Variants in CHRNA6 observed in about 807,000 individuals in gnomAD.
CHRNA6 encodes the protein cholinergic receptor nicotinic alpha 6 subunit, also known as neuronal acetylcholine receptor subunit alpha-6.
Under a neutral mutation model 40.9 loss-of-function variants are expected in CHRNA6, and 31 were observed. That is an observed-to-expected ratio of 0.76 (90% confidence interval 0.57 to 1.02). CHRNA6 has a LOEUF of 1.02. CHRNA6 is among the 50% of genes least tolerant of loss of function. CHRNA6 has a pLI of 0.00. For synonymous variants in CHRNA6, 222 were observed against 221.3 expected, an observed-to-expected ratio of 1.00 and a Z score of -0.03; for missense variants, 546 against 596.6, an observed-to-expected ratio of 0.92 and a Z score of 0.88.
chr8:42,756,313 T>C lies in CHRNA6; in HGVS notation c.886A>G (p.Thr296Ala), dbSNP rs200072442. The C allele has an allele frequency of 1.9e-6, 3 of 1,613,766 alleles. No individual in the cohort carries two copies. In the African/African-American group the frequency reaches 4.0e-5, roughly 22 times the overall value. Residue 296 changes from threonine (T) to alanine (A), a missense_variant, in exon 5 of 6, where the codon ACA (threonine) becomes GCA (alanine). This residue lies in a region of CHRNA6 where 476 missense variants were observed against 494.5 expected (regional missense o/e 0.96). Transcript: ENST00000276410. Reference protein sequence around the residue: ...LLVITETIPSTSLVVPLVGEY... With the variant: ...LLVITETIPSASLVVPLVGEY... ...CCCACCAGTGGGACCACCAGAGATG[T>C]GGATGGGATGGTTTCTGTGATGACC...
chr8:42,754,339 T>A (rs1280527295), intron 5 of CHRNA6, among the ~76,000 whole-genome samples: 1 of 152,110 alleles, frequency 6.6e-6, no homozygotes, highest in African/African-American at 2.4e-5. Context: ...CAAATTTTTT[T>A]AAATTTGTTT....
intron 2 of CHRNA6, among the ~76,000 whole-genome samples, chr8:42,761,459 G>C (rs1301855327): frequency 3.9e-5 from 6 of 152,254 alleles, no homozygotes. Flanking sequence ...GAGGGCATAA[G>C]CCCTAACTGC....
Position 42,756,153 on chromosome 8 carries a change from A to G in CHRNA6, c.1046T>C (p.Leu349Pro), listed in dbSNP as rs372377533. The G allele has an allele frequency of 6.2e-7, 1 of 1,614,274 alleles. No homozygotes were observed. Among genetic ancestry groups the G allele is most frequent in the Non-Finnish European group, 8.5e-7 (1 of 1,180,054 alleles). Reference protein sequence around the residue: ...RWVKTVFLKLLPQVLLMRWPL... With the variant: ...RWVKTVFLKLPPQVLLMRWPL... ...CCACCTCATCAGCAGGACCTGGGGCAGCAGCTTCAGGAAAACTGTCTTCAC... is the reference window on the plus strand; with the variant it reads ...CCACCTCATCAGCAGGACCTGGGGCGGCAGCTTCAGGAAAACTGTCTTCAC... Residue 349 changes from leucine to proline, a missense_variant, in exon 5 of 6, where the codon CTG becomes CCG. This residue lies in a region of CHRNA6 where 476 missense variants were observed against 494.5 expected (regional missense o/e 0.96). Coordinates refer to ENST00000276410, the MANE Select transcript of CHRNA6 (RefSeq NM_004198.3).
chr8:42,759,742 T>A (rs1337900958), intron 2 of CHRNA6, among the ~76,000 whole-genome samples: 2 of 151,644 alleles, frequency 1.3e-5, no homozygotes, highest in African/African-American at 4.8e-5. Flanking sequence ...TACTAAAAAA[T>A]ACAAAAAAAT....
intron 1 of CHRNA6, 146 bp downstream of exon 1, chr8:42,768,206 T>C (rs191471904): frequency 5.3e-6 from 3 of 561,506 alleles, no homozygotes; most frequent in Admixed American, 3.2e-5. Flanking sequence ...AAAAACCAAA[T>C]AGATTAATTA....
intron 2 of CHRNA6, chr8:42,759,507 T>G (rs934251915): frequency 1.7e-5 from 3 of 177,354 alleles, no homozygotes; most frequent in Non-Finnish European, 3.7e-5. Context: ...ACAGTGTTTT[T>G]GCCTGTTCCC....
rs913056438 is a variant in CHRNA6 at position 42,753,089 on chromosome 8, G to A, written c.*90C>T. ...CAGTTTTAGCAGATGGGGGACTTGG[G>A]TGGGAAGCCTTTGCTTTCCTTTCCT... is the stretch of plus-strand genomic sequence containing the variant. On this transcript the variant is annotated 3_prime_UTR_variant, in exon 6 of 6. Transcript: ENST00000276410. The A allele has an allele frequency of 3.2e-6, 4 of 1,260,880 alleles. No homozygotes were observed. Among genetic ancestry groups the A allele is most frequent in the Non-Finnish European group, 2.2e-6 (2 of 908,062 alleles). The allele number at this position is 1,260,880 out of a possible 1,614,324, so 78.1% of individuals were successfully genotyped here.
At chr8:42,757,568 C>CA (rs1554594122) in intron 3 of CHRNA6, among the ~76,000 whole-genome samples, 1,427 of 115,144 alleles carry the variant, frequency 0.012, 17 homozygotes, top group African/African-American at 0.029. Context: ...ACTAAAAATA[C>CA]AAAAAAAAAA....
At position 42,755,338 on chromosome 8, in the gene CHRNA6, G is replaced by A. The variant is rs558594684; in HGVS notation, c.1353+508C>T. Among the ~76,000 whole-genome samples, 32 of 152,058 alleles carry A rather than the reference G, an allele frequency of 2.1e-4. No homozygotes were observed. The South Asian group carries it at 4.0e-3, about 19-fold the overall frequency. Reference sequence around the variant, plus strand: ...GTCACCCAGGCTGGAGTGCAGGGGCGCCATGTCAGCTCACTGTAACCTCCA... The same window carrying A: ...GTCACCCAGGCTGGAGTGCAGGGGCACCATGTCAGCTCACTGTAACCTCCA... On this transcript the variant is annotated intron_variant, in intron 5 of 5. Coordinates refer to ENST00000276410, the MANE Select transcript of CHRNA6 (RefSeq NM_004198.3).
At chr8:42,757,891 C>T (rs369078006) in intron 3 of CHRNA6, among the ~76,000 whole-genome samples, 7 of 151,618 alleles carry the variant, frequency 4.6e-5, no homozygotes, top group African/African-American at 1.2e-4. Flanking sequence ...AAAAATTAGC[C>T]GGGCGTGGTG....
chr8:42,761,526 A>C (rs1816904079), intron 2 of CHRNA6, among the ~76,000 whole-genome samples: 1 of 152,250 alleles, frequency 6.6e-6, no homozygotes, highest in African/African-American at 2.4e-5. Context: ...GGCTGAGATC[A>C]GTTGGCAATA....
Position 42,756,492 on chromosome 8 carries a change from A to G in CHRNA6, c.707T>C (p.Ile236Thr), listed in dbSNP as rs534708905. The G allele has an allele frequency of 6.2e-7, 1 of 1,614,152 alleles. No individual in the cohort carries two copies. Among genetic ancestry groups the G allele is most frequent in the East Asian group, 2.2e-5 (1 of 44,890 alleles). The change falls in exon 5 of 6, where the codon ATT becomes ACT. Residue 236 changes from isoleucine to threonine, a missense_variant. Transcript: ENST00000276410. Reference protein sequence around the residue: ...IYTDITYSFYIRRLPMFYTIN... With the variant: ...IYTDITYSFYTRRLPMFYTIN... ...CGTGTAAAACATCGGCAATCTTCTAATGTAGAAAGAATAGGTTATATCTGT... is the reference window on the plus strand; with the variant it reads ...CGTGTAAAACATCGGCAATCTTCTAGTGTAGAAAGAATAGGTTATATCTGT...
intron 2 of CHRNA6, chr8:42,759,372 A>G (rs934972385): frequency 2.3e-5 from 10 of 428,276 alleles, no homozygotes; most frequent in Middle Eastern, 1.4e-3. Context: ...TCTTCTGTGA[A>G]GTGCTTCCGA....
At chr8:42,755,221 T>C (rs958185998) in intron 5 of CHRNA6, among the ~76,000 whole-genome samples, 6 of 151,180 alleles carry the variant, frequency 4.0e-5, no homozygotes, top group African/African-American at 1.5e-4. Context: ...GGTCTCACTA[T>C]GTTGCCCAGG....
chr8:42,764,936 C>A, intron 2 of CHRNA6, 129 bp downstream of exon 2: 1 of 1,017,976 alleles, frequency 9.8e-7, no homozygotes, highest in Non-Finnish European at 1.4e-6. Context: ...TGCCTGCCTC[C>A]CAAATGGATG....
At chr8:42,758,984 T>G in intron 3 of CHRNA6, 85 bp downstream of exon 3, 1 of 1,042,496 alleles carries the variant, frequency 9.6e-7, no homozygotes, top group Non-Finnish European at 1.5e-6. Context: ...TTATATTCTA[T>G]AACCAGTTGG....
rs1586423853 is a variant in CHRNA6, at chr8:42,755,960, A to G, written c.1239T>C (p.His413=). The part of the protein sequence containing the change: ...ELATSKRRLS[H]QPLQWVVENS... ...TTTCCACCACCCACTGTAATGGCTG[A>G]TGACTTAATCTTCTCTTGCTTGTGG... Residue 413 remains histidine, a synonymous_variant, in exon 5 of 6, where the codon CAT becomes CAC. Transcript: ENST00000276410. The G allele has an allele frequency of 3.1e-6, 5 of 1,614,132 alleles. No homozygotes were observed. Among genetic ancestry groups the G allele is most frequent in the Non-Finnish European group, 4.2e-6 (5 of 1,180,054 alleles).
intron 1 of CHRNA6, among the ~76,000 whole-genome samples, chr8:42,767,310 G>A (rs931512300): frequency 3.3e-5 from 5 of 152,146 alleles, no homozygotes; most frequent in South Asian, 2.1e-4. Context: ...TTAAATAATA[G>A]CACTTTCAGT....
At chr8:42,767,249 G>A (rs184909122) in intron 1 of CHRNA6, among the ~76,000 whole-genome samples, 3 of 152,372 alleles carry the variant, frequency 2.0e-5, no homozygotes, top group Non-Finnish European at 4.4e-5. Context: ...TTACAGGCAT[G>A]AGCCACCGCG....
Sources: gnomAD v4.1 joint callset for allele counts (sites outside exome capture counted in the v4.1 genomes callset) on GRCh38, gnomAD v4.1.1 for gene constraint, gnomAD v4.1.1 regional missense constraint, MANE v1.5 for transcripts, NCBI Gene and HGNC (gene_info 2026-07-23, HGNC 2026-07-21) for gene names.